HNRNPL: variants seen among roughly 807,000 people sequenced by gnomAD.
HNRNPL encodes epididymis secretory sperm binding protein.
Under a neutral mutation model 64.0 loss-of-function variants are expected in HNRNPL, and 12 were observed. The ratio of observed to expected loss-of-function variants is 0.19; its 90% confidence interval spans 0.12 to 0.30. HNRNPL has a LOEUF of 0.30. Among genes scored for constraint, HNRNPL ranks in the 10% least tolerant of loss-of-function variants. The pLI is 1.00. For missense variants in HNRNPL, 484 were observed against 797.4 expected (o/e 0.61, Z 4.73); for synonymous variants, 385 against 313.0 (o/e 1.23, Z -2.43).
rs540461465 is a variant in HNRNPL, at chr19:38,845,804, G to A, written c.624+49C>T. 6 of 1,595,804 alleles carry A rather than the reference G, an allele frequency of 3.8e-6. No homozygotes were observed. The African/African-American group carries it at 5.4e-5, about 14-fold the overall frequency. Reference sequence around the variant, plus strand: ...CAGTCTGGCTTGGGGGAGGGAATAAGGGGAGAAAAGGAAGGGAGACCTCAC... The same window carrying A: ...CAGTCTGGCTTGGGGGAGGGAATAAAGGGAGAAAAGGAAGGGAGACCTCAC... On this transcript the variant is annotated intron_variant, in intron 3 of 12. Coordinates refer to ENST00000221419, the MANE Select transcript of HNRNPL (RefSeq NM_001533.3).
Position 38,845,730 on chromosome 19 carries a change from A to G in HNRNPL, c.630T>C (p.Val210=). The G allele has an allele frequency of 1.2e-6, 2 of 1,613,920 alleles. No homozygotes were observed. ...LNPIYSITTD[V]LYTICNPCGP... The stretch of plus-strand genomic sequence containing the variant: ...CACAAGGATTACAGATAGTGTAAAG[A>G]ACATCCTGCAAAAGCAAACACAGGC... The change falls in exon 4 of 13, where the codon GTT becomes GTC. Residue 210 remains valine, a synonymous_variant. Transcript: ENST00000221419.
At chr19:38,843,807 G>T in intron 6 of HNRNPL, 35 bp downstream of exon 6, 1 of 1,552,174 alleles carries the variant, frequency 6.4e-7, no homozygotes, top group Non-Finnish European at 8.9e-7. Flanking sequence ...AAAGCAAGGC[G>T]GGTATGTTTA....
At chr19:38,843,744 C>T in intron 6 of HNRNPL, 98 bp downstream of exon 6, 4 of 1,012,548 alleles carry the variant, frequency 4.0e-6, no homozygotes, top group Middle Eastern at 2.5e-4. Context: ...ATGGGGGGCC[C>T]AATGGCATTA....
chr19:38,849,949 C>A lies in HNRNPL; in HGVS notation c.18G>T (p.Leu6=). 1.5e-6 allele frequency: 2 copies of A among 1,354,218 alleles called. No homozygotes were observed. The highest frequency in any genetic ancestry group is 3.0e-5 in the East Asian group (1 of 33,432). The allele number at this position is 1,354,218 out of a possible 1,614,324, so 83.9% of individuals were successfully genotyped here. MSRRL[L]PRAEKRRRRL... is the part of the protein sequence containing the mutation. ...GCCGACGCCGCTTCTCCGCCCGGGG[C>A]AGCAGCCTCCGCGACATGGCGGCGC... Residue 6 remains leucine (L), a synonymous_variant, in exon 1 of 13, where the codon CTG becomes CTT. Coordinates refer to ENST00000221419, the MANE Select transcript of HNRNPL (RefSeq NM_001533.3).
intron 1 of HNRNPL, chr19:38,849,329 A>C: frequency 5.1e-6 from 1 of 194,828 alleles, no homozygotes. Flanking sequence ...CTAACCGCCC[A>C]CGAGGCCGGG....
chr19:38,840,609 T>G, intron 6 of HNRNPL, 50 bp from the exon 7 acceptor site: 2 of 1,414,314 alleles, frequency 1.4e-6, no homozygotes, highest in South Asian at 1.2e-5. Flanking sequence ...TTGGGGTCTC[T>G]CCCTCCCTCC....
chr19:38,850,090 C>G, upstream of HNRNPL: 1 of 739,036 alleles, frequency 1.4e-6, no homozygotes, highest in Non-Finnish European at 2.0e-6. Context: ...CCGCCACACG[C>G]CTTGCGCGCT....
chr19:38,840,489 A>G lies in HNRNPL; in HGVS notation c.951T>C (p.Tyr317=). The G allele has an allele frequency of 1.9e-6, 3 of 1,590,676 alleles. No homozygotes were observed. The highest frequency in any genetic ancestry group is 8.5e-7 in the Non-Finnish European group (1 of 1,169,714). The stretch of plus-strand genomic sequence containing the variant: ...CGGAGGGGAACCCCCTGCCCTCACC[A>G]TATTCTGCGGGGTGATCTCCCAGGA... ...PPLLGDHPAE[Y]GGPHGGYHSH... The change falls in exon 7 of 13, where the codon TAT becomes TAC. Residue 317 remains tyrosine, a splice_region_variant and synonymous_variant. Coordinates refer to ENST00000221419, the MANE Select transcript of HNRNPL (RefSeq NM_001533.3).
At chr19:38,841,982 G>C in intron 6 of HNRNPL, 1 of 288,180 alleles carries the variant, frequency 3.5e-6, no homozygotes, top group Non-Finnish European at 6.8e-6. Context: ...CTACGCTCGC[G>C]CTTTTGGCCT....
intron 9 of HNRNPL, 60 bp from the exon 10 acceptor site, chr19:38,838,658 CCT>C (rs1389368823): frequency 9.8e-6 from 15 of 1,528,706 alleles, no homozygotes; most frequent in African/African-American, 2.7e-5. Flanking sequence ...GAAGCTTTCC[CCT>C]GTGGCCTCCA....
At chr19:38,839,074 C>T (rs1972024155) in intron 8 of HNRNPL, 59 bp from the exon 9 acceptor site, 14 of 1,600,764 alleles carry the variant, frequency 8.7e-6, no homozygotes, top group Non-Finnish European at 1.2e-5. Context: ...CCCTCTCCTG[C>T]CCCTCCCAAG....
In HNRNPL at chr19:38,840,569, G is replaced by A; in HGVS notation, c.881-10C>T. 6.4e-7 allele frequency: 1 copy of A among 1,574,398 alleles called. No individual in the cohort carries two copies. Among genetic ancestry groups the A allele is most frequent in the Non-Finnish European group, 8.6e-7 (1 of 1,160,506 alleles). On this transcript the variant is annotated splice_polypyrimidine_tract_variant and intron_variant, in intron 6 of 12. Coordinates refer to ENST00000221419, the MANE Select transcript of HNRNPL (RefSeq NM_001533.3). ...TTGCTGCCAGGGTCACCTGTGGAGA[G>A]AGAAAACAGTTAGGAGTCTCACTCA...
chr19:38,844,153 C>T (rs1052292731), intron 4 of HNRNPL, 49 bp from the exon 5 acceptor site: 2 of 1,207,476 alleles, frequency 1.7e-6, no homozygotes, highest in African/African-American at 1.5e-5. Context: ...TTGAGAAGGG[C>T]TTCAAGTTAC....
intron 10 of HNRNPL, 149 bp downstream of exon 10, chr19:38,838,248 G>A: frequency 3.1e-6 from 2 of 636,376 alleles, no homozygotes. Flanking sequence ...ATTCCTATCT[G>A]TCCTGGCCTC....
At chr19:38,848,671 T>C (rs1004379213) in intron 1 of HNRNPL, among the ~76,000 whole-genome samples, 8 of 152,324 alleles carry the variant, frequency 5.3e-5, no homozygotes, top group South Asian at 2.1e-4. Flanking sequence ...CTCCCACAAA[T>C]GGGAGTTCTA....
chr19:38,844,967 G>GA (rs1366112944), intron 4 of HNRNPL: 2 of 152,030 alleles, frequency 1.3e-5, no homozygotes, highest in Non-Finnish European at 2.9e-5. Context: ...CTCGGCCTCC[G>GA]AAAGTGCTGG....
At chr19:38,850,902 T>G (rs894242941), upstream of HNRNPL, among the ~76,000 whole-genome samples, 3 of 152,172 alleles carry the variant, frequency 2.0e-5, no homozygotes, top group Non-Finnish European at 4.4e-5. Flanking sequence ...CCGCGCACTC[T>G]CCATGTGTGC....
intron 1 of HNRNPL, among the ~76,000 whole-genome samples, chr19:38,848,097 TA>T (rs869303509): frequency 7.2e-6 from 1 of 138,582 alleles, no homozygotes; most frequent in African/African-American, 3.4e-5. Flanking sequence ...AAAAGTCTTT[TA>T]TTTATTTTTT....
chr19:38,836,485 TA>T lies in HNRNPL; in HGVS notation c.*236del. 2.6e-6 allele frequency: 1 copy of T among 377,546 alleles called. No individual in the cohort carries two copies. The highest frequency in any genetic ancestry group is 4.8e-6 in the Non-Finnish European group (1 of 210,464). The allele number at this position is 377,546 out of a possible 1,614,324, so 23.4% of individuals were successfully genotyped here. A position where few individuals can be genotyped will look rare whatever the true frequency, so the allele number is the denominator to read the frequency against. On this transcript the variant is annotated 3_prime_UTR_variant, in exon 13 of 13. Transcript: ENST00000221419. Reference sequence around the variant, plus strand: ...GGAAAAAAAAAAATCACATGTACAATAATTTTTTAAAAGTGAAGGTTAATCT... The same window carrying T: ...GGAAAAAAAAAAATCACATGTACAATATTTTTTAAAAGTGAAGGTTAATCT...
Sources: allele counts gnomAD v4.1 joint callset (sites outside exome capture counted in the v4.1 genomes callset), GRCh38; gene constraint gnomAD v4.1.1; transcripts MANE v1.5; gene names NCBI Gene and HGNC (gene_info 2026-07-23, HGNC 2026-07-21).